Variants in SIPA1 observed in about 807,000 individuals in gnomAD.
SIPA1 encodes signal-induced proliferation-associated protein 1.
SIPA1 carries 51 observed loss-of-function variants against 88.1 expected under a neutral mutation model. The observed-to-expected ratio is 0.58, with a 90% CI of 0.46 to 0.73. The LOEUF (loss-of-function observed/expected upper bound fraction) is 0.73, where lower values mean the gene tolerates loss of function less well. SIPA1 is among the 30% of genes least tolerant of loss of function. The pLI, the probability that SIPA1 is intolerant of heterozygous loss-of-function variation, is 0.00. For synonymous variants in SIPA1, 681 were observed against 664.8 expected (o/e 1.02, Z -0.37); for missense variants, 1,348 against 1,467.6 (o/e 0.92, Z 1.33).
intron 4 of SIPA1, among the ~76,000 whole-genome samples, chr11:65,644,201 G>T (rs1856063462): frequency 1.3e-5 from 2 of 151,698 alleles, no homozygotes. Flanking sequence ...CGGTCTGAAT[G>T]GGAGGCGGAG....
chr11:65,645,732 G>T lies in SIPA1; in HGVS notation c.1160-122G>T. 3 of 630,768 alleles carry T rather than the reference G, an allele frequency of 4.8e-6. No individual in the cohort carries two copies. The South Asian group carries it at 6.3e-5, about 13-fold the overall frequency. 39.1% of individuals were successfully genotyped at this position (630,768 alleles called of 1,614,324 possible). On this transcript the variant is annotated intron_variant, in intron 5 of 15. Coordinates refer to ENST00000534313, the MANE Select transcript of SIPA1 (RefSeq NM_006747.4). The stretch of plus-strand genomic sequence containing the variant: ...CTGGCTGGGCATTGGCTGGTGGCAT[G>T]ACTGGTTGTCCACCTGCTGTTTGGG...
Position 65,641,191 on chromosome 11 carries a change from T to TGACC in SIPA1, c.271_274dup (p.Pro92ArgfsTer22). The TGACC allele has an allele frequency of 6.2e-7, 1 of 1,611,470 alleles. No homozygotes were observed. The highest frequency in any genetic ancestry group is 8.5e-7 in the Non-Finnish European group (1 of 1,179,974). The stretch of plus-strand genomic sequence containing the variant: ...CAGCCACTTCCACCCGGCTCTTCAC[T>TGACC]GACCCGCTGGCACTGCTGGGGCTGC... On this transcript the variant is annotated frameshift_variant, in exon 2 of 16. Transcript: ENST00000534313. LOFTEE classifies it high-confidence loss of function.
rs749717835 is a variant in SIPA1, at chr11:65,641,579, C to T, written c.658C>T (p.Arg220Cys). ...EHADLGAGYY[R>C]KYFYGKEHQN... ...CGCAGACCTGGGTGCTGGCTACTAC[C>T]GCAAATACTTCTATGGCAAAGGTGA... Residue 220 changes from arginine (R) to cysteine (C), a missense_variant, in exon 2 of 16, where the codon CGC (arginine) becomes TGC (cysteine). Physicochemically the swap from Arg to Cys is radical, Grantham distance 180. Coordinates refer to ENST00000534313, the MANE Select transcript of SIPA1 (RefSeq NM_006747.4). The T allele has an allele frequency of 3.1e-6, 5 of 1,608,878 alleles. No homozygotes were observed. The highest frequency in any genetic ancestry group is 1.3e-5 in the African/African-American group (1 of 74,858).
intron 1 of SIPA1, among the ~76,000 whole-genome samples, chr11:65,638,623 G>A (rs1855944099): frequency 6.6e-6 from 1 of 152,214 alleles, no homozygotes; most frequent in Admixed American, 6.5e-5. Context: ...ACCTCCAGAT[G>A]TGCTGGGAAG....
chr11:65,644,696 T>C (rs1048678450), intron 4 of SIPA1, among the ~76,000 whole-genome samples: 12 of 151,842 alleles, frequency 7.9e-5, no homozygotes, highest in Non-Finnish European at 1.3e-4. Flanking sequence ...TGATAATGTG[T>C]ATGTTTATTG....
rs1338709671 is a variant in SIPA1, at chr11:65,650,427, A to T, written c.2930A>T (p.Lys977Met). Residue 977 changes from lysine (K) to methionine (M), a missense_variant, in exon 15 of 16, where the codon AAG becomes ATG. This residue lies in a region of SIPA1 where 615 missense variants were observed against 559.8 expected (regional missense o/e 1.10). Transcript: ENST00000534313. ...AEPEPGNLSE[K>M]VSHLESMLRK... The stretch of plus-strand genomic sequence containing the variant: ...CCAGAGCCTGGGAACCTCTCAGAGA[A>T]GGTCTCTCACTTGGAGTCCATGCTC... The T allele has an allele frequency of 2.5e-6, 4 of 1,614,046 alleles. No homozygotes were observed. The highest frequency in any genetic ancestry group is 3.4e-6 in the Non-Finnish European group (4 of 1,179,990).
At position 65,647,537 on chromosome 11, in the gene SIPA1, C is replaced by T. The variant is rs781147585; in HGVS notation, c.2185C>T (p.Leu729=). 3.0e-6 allele frequency: 4 copies of T among 1,344,888 alleles called. No individual in the cohort carries two copies. The highest frequency in any genetic ancestry group is 1.7e-5 in the South Asian group (1 of 60,464). The allele number at this position is 1,344,888 out of a possible 1,614,324, so 83.3% of individuals were successfully genotyped here. A position where few individuals can be genotyped will look rare whatever the true frequency, so the allele number is the denominator to read the frequency against. ...GGGGCTGCGGCCCGGGGCGCGCCTC[C>T]TGCGCGTGTGCGGCCAGACTCTGCC... ...TAGLRPGARL[L]RVCGQTLPSL... is the part of the protein sequence containing the mutation. Residue 729 remains leucine (L), a synonymous_variant, in exon 9 of 16, where the codon CTG becomes TTG. Coordinates refer to ENST00000534313, the MANE Select transcript of SIPA1 (RefSeq NM_006747.4).
chr11:65,642,615 G>A lies in SIPA1; in HGVS notation c.960G>A (p.Thr320=). 6.3e-7 allele frequency: 1 copy of A among 1,583,504 alleles called. No individual in the cohort carries two copies. Among genetic ancestry groups the A allele is most frequent in the Non-Finnish European group, 8.5e-7 (1 of 1,170,472 alleles). ...CAGCTTCACCCAAGGTACCACGGAC[G>A]CTGCTCACACTGGATGAGCAAGTGG... The part of the protein sequence containing the change: ...LGSASPKVPR[T]LLTLDEQVLS... Residue 320 remains threonine (T), a synonymous_variant, in exon 4 of 16, where the codon ACG becomes ACA. Coordinates refer to ENST00000534313, the MANE Select transcript of SIPA1 (RefSeq NM_006747.4). This position sits in a 1 kb window ranked among gnomAD's most constrained non-coding sequence, Gnocchi z 6.5.
At position 65,639,785 on chromosome 11, in the gene SIPA1, C is replaced by T. The variant is rs575770977; in HGVS notation, c.-91-1046C>T. On this transcript the variant is annotated intron_variant, in intron 1 of 15. Transcript: ENST00000534313. ...AGCAGGTCCCTGGGGCTTTGGGTGT[C>T]TCAATCTTGCATCCTGTGAGACCTT... 2.6e-4 allele frequency: 40 copies of T among 152,362 alleles called. No homozygotes were observed. The Middle Eastern group carries it at 0.01, about 39-fold the overall frequency. 9.4% of individuals were successfully genotyped at this position (152,362 alleles called of 1,614,324 possible). A position where few individuals can be genotyped will look rare whatever the true frequency, so the allele number is the denominator to read the frequency against.
chr11:65,650,217 C>T (rs531926106), intron 14 of SIPA1, 25 bp downstream of exon 14: 53 of 1,612,428 alleles, frequency 3.3e-5, no homozygotes, highest in African/African-American at 1.6e-4. Context: ...TCCCCACAGC[C>T]GCTTTACCTG....
intron 1 of SIPA1, 104 bp from the exon 2 acceptor site, chr11:65,640,727 C>G (rs2135506001): frequency 1.9e-6 from 1 of 533,092 alleles, no homozygotes; most frequent in African/African-American, 2.0e-5. Flanking sequence ...CTTTGATGGT[C>G]TCGGAGGGGG....
intron 4 of SIPA1, among the ~76,000 whole-genome samples, chr11:65,644,163 G>A (rs895785950): frequency 2.0e-5 from 3 of 151,622 alleles, no homozygotes; most frequent in African/African-American, 4.9e-5. Flanking sequence ...TTAGGCAGCC[G>A]GAGAAAAAGG....
At chr11:65,649,897 G>A in intron 12 of SIPA1, 32 bp downstream of exon 12, 2 of 1,613,372 alleles carry the variant, frequency 1.2e-6, no homozygotes, top group Non-Finnish European at 1.7e-6. Context: ...CAGGGGAGGG[G>A]TTGGGGGGTG....
chr11:65,649,828 G>A lies in SIPA1; in HGVS notation c.2709G>A (p.Leu903=), dbSNP rs758782860. 1 of 1,614,098 alleles carries A rather than the reference G, an allele frequency of 6.2e-7. No individual in the cohort carries two copies. Among genetic ancestry groups the A allele is most frequent in the South Asian group, 1.1e-5 (1 of 91,090 alleles). ...CGCCGGAGCTGAGGGCCTCCTTTCT[G>A]CCACGTACCTTGTCTCTGCGGAACT... The part of the protein sequence containing the change: ...NPAPELRASF[L]PRTLSLRNSI... Residue 903 remains leucine (L), a synonymous_variant, in exon 12 of 16, where the codon CTG becomes CTA. Transcript: ENST00000534313.
chr11:65,646,162 T>A lies in SIPA1; in HGVS notation c.1264-59T>A. Reference sequence around the variant, plus strand: ...GTGCCTTGGCTTTCTCCTGCCTGAATGAGGAGGGGTTTGGGGCACAGAAGA... The same window carrying A: ...GTGCCTTGGCTTTCTCCTGCCTGAAAGAGGAGGGGTTTGGGGCACAGAAGA... On this transcript the variant is annotated intron_variant, in intron 6 of 15. Transcript: ENST00000534313. The surrounding 1 kb of genome is among the most constrained non-coding windows in gnomAD (Gnocchi z 7.5). The A allele has an allele frequency of 1.9e-6, 3 of 1,583,798 alleles. No homozygotes were observed. The highest frequency in any genetic ancestry group is 8.6e-7 in the Non-Finnish European group (1 of 1,160,058).
At position 65,642,707 on chromosome 11, in the gene SIPA1, C is replaced by T; in HGVS notation, c.984+68C>T. 2.2e-6 allele frequency: 3 copies of T among 1,388,576 alleles called. No individual in the cohort carries two copies. The highest frequency in any genetic ancestry group is 2.9e-5 in the South Asian group (2 of 68,630). 86.0% of individuals were successfully genotyped at this position (1,388,576 alleles called of 1,614,324 possible). Reference sequence around the variant, plus strand: ...CAGTCTGAACCCAGCCTGCCCAGCTCCCAAACCCCTAGCCTTGACCCTGAT... The same window carrying T: ...CAGTCTGAACCCAGCCTGCCCAGCTTCCAAACCCCTAGCCTTGACCCTGAT... On this transcript the variant is annotated intron_variant, in intron 4 of 15. Coordinates refer to ENST00000534313, the MANE Select transcript of SIPA1 (RefSeq NM_006747.4). This position sits in a 1 kb window ranked among gnomAD's most constrained non-coding sequence, Gnocchi z 6.5.
rs868566759 is a variant in SIPA1, at chr11:65,642,138, A to T, written c.680-112A>T. The T allele has an allele frequency of 7.1e-7, 1 of 1,413,796 alleles. No individual in the cohort carries two copies. Among genetic ancestry groups the T allele is most frequent in the Middle Eastern group, 2.4e-4 (1 of 4,114 alleles). 87.6% of individuals were successfully genotyped at this position (1,413,796 alleles called of 1,614,324 possible). ...AGGGGCGGGACTTAGTCTAGGGTCA[A>T]CATTTGGTGGTGAGATGAAGCCTAG... On this transcript the variant is annotated intron_variant, in intron 2 of 15. Transcript: ENST00000534313. The surrounding 1 kb of genome is among the most constrained non-coding windows in gnomAD (Gnocchi z 6.5).
In SIPA1 at chr11:65,647,438, G is replaced by A; in HGVS notation, c.2086G>A (p.Gly696Ser). 4.1e-6 allele frequency: 6 copies of A among 1,480,784 alleles called. No individual in the cohort carries two copies. The Middle Eastern group carries it at 5.3e-4, about 131-fold the overall frequency. 91.7% of individuals were successfully genotyped at this position (1,480,784 alleles called of 1,614,324 possible). The change falls in exon 9 of 16, where the codon GGC becomes AGC. Residue 696 changes from glycine to serine, a missense_variant. Transcript: ENST00000534313. ...RELALPRDGQ[G>S]RLGFEVDAEG... ...GCTGGCGCTGCCCCGCGACGGTCAAGGCCGCCTGGGCTTCGAGGTGGACGC... is the reference window on the plus strand; with the variant it reads ...GCTGGCGCTGCCCCGCGACGGTCAAAGCCGCCTGGGCTTCGAGGTGGACGC...
At chr11:65,645,978 G>T in intron 6 of SIPA1, 21 bp downstream of exon 6, 1 of 1,569,844 alleles carries the variant, frequency 6.4e-7, no homozygotes, top group East Asian at 2.3e-5. Context: ...GACCAACGTG[G>T]GGGTGGGGCT....
Sources: gnomAD v4.1 joint callset for allele counts (sites outside exome capture counted in the v4.1 genomes callset) on GRCh38, gnomAD v4.1.1 for gene constraint, gnomAD v4.1.1 regional missense constraint, Gnocchi (gnomAD v3.1) non-coding constraint, MANE v1.5 for transcripts, NCBI Gene and HGNC (gene_info 2026-07-23, HGNC 2026-07-21) for gene names.